IQCE: variants seen among roughly 807,000 people sequenced by gnomAD.
IQCE encodes the protein IQ motif containing E, also known as IQ domain-containing protein E.
IQCE carries 115 observed loss-of-function variants against 96.0 expected under a neutral mutation model. The ratio of observed to expected loss-of-function variants is 1.20; its 90% CI spans 1.03 to 1.40. The LOEUF is 1.40. IQCE is among the 40% of genes most tolerant of loss of function. The pLI is 0.00. For synonymous variants in IQCE, 412 were observed against 371.2 expected (o/e 1.11, Z -1.26); for missense variants, 1,041 against 909.1 (o/e 1.15, Z -1.87).
At chr7:2,578,560 C>T (rs377402337) in intron 8 of IQCE, 34 bp downstream of exon 8, 4 of 1,611,396 alleles carry the variant, frequency 2.5e-6, no homozygotes, top group Non-Finnish European at 1.7e-6. Flanking sequence ...GAGCCTTTCC[C>T]CAGACGCTAG....
intron 10 of IQCE, 64 bp from the exon 11 acceptor site, chr7:2,584,172 T>C (rs936286079): frequency 3.5e-6 from 5 of 1,446,850 alleles, no homozygotes; most frequent in Non-Finnish European, 4.9e-6. Flanking sequence ...ATGTTGGTCT[T>C]TTCAGATAAG....
rs113810071 is a variant in IQCE, at chr7:2,567,045, C to G, written c.37-71C>G. The stretch of plus-strand genomic sequence containing the variant: ...AGCAGCTGTGGACGGGCTGTTTTCG[C>G]TTTTGTAAACGTGATGGTCGGAAGC... On this transcript the variant is annotated intron_variant, in intron 1 of 21. Transcript: ENST00000402050. The G allele has an allele frequency of 1.4e-3, 1,988 of 1,394,330 alleles. 23 individuals carry two copies. In the African/African-American group the frequency reaches 0.026, roughly 19 times the overall value. 86.4% of individuals were successfully genotyped at this position (1,394,330 alleles called of 1,614,324 possible).
intron 17 of IQCE, among the ~76,000 whole-genome samples, chr7:2,599,336 C>G (rs959564585): frequency 3.3e-5 from 5 of 151,490 alleles, no homozygotes; most frequent in Non-Finnish European, 7.4e-5. Flanking sequence ...AGTTGTGATA[C>G]AGGTGCTCAC....
intron 19 of IQCE, among the ~76,000 whole-genome samples, chr7:2,605,516 A>G (rs1377746151): frequency 2.0e-5 from 3 of 152,104 alleles, no homozygotes; most frequent in African/African-American, 7.2e-5. Flanking sequence ...GCTACTCAGG[A>G]GGCTGAGGCA....
At chr7:2,583,487 G>A in intron 9 of IQCE, 150 bp from the exon 10 acceptor site, 1 of 372,428 alleles carries the variant, frequency 2.7e-6, no homozygotes, top group Non-Finnish European at 5.0e-6. Flanking sequence ...CAAGGAACAA[G>A]TCAAATGAAG....
At chr7:2,582,155 C>T (rs1782723349) in intron 8 of IQCE, 1 of 439,512 alleles carries the variant, frequency 2.3e-6, no homozygotes, top group Admixed American at 2.8e-5. Context: ...GCCGCGCTGT[C>T]TCCCACCCTC....
rs529571319 is a variant in IQCE at position 2,562,440 on chromosome 7, A to G, written c.36+3223A>G. 1.1e-4 allele frequency among the ~76,000 whole-genome samples: 17 copies of G among 152,150 alleles called. 1 individual carries two copies. In the South Asian group the frequency reaches 3.3e-3, roughly 30 times the overall value. On this transcript the variant is annotated intron_variant, in intron 1 of 21. Transcript: ENST00000402050. ...ATCAGTGTAATATAGGTCTCATAGA[A>G]TGAATTGGGAAGCATTTCCTTCTTT...
intron 18 of IQCE, chr7:2,601,842 G>T (rs183535103): frequency 1.6e-4 from 34 of 212,918 alleles, no homozygotes; most frequent in Admixed American, 2.3e-4. Flanking sequence ...GAGCCACCGC[G>T]CCCGGCAAGT....
At chr7:2,593,548 C>T (rs527460076) in intron 15 of IQCE, among the ~76,000 whole-genome samples, 106 of 152,382 alleles carry the variant, frequency 7.0e-4, no homozygotes, top group African/African-American at 2.3e-3. Context: ...AGGTCGACCA[C>T]GCGTAGGCGC....
At chr7:2,574,205 T>A (rs1781958866) in intron 6 of IQCE, among the ~76,000 whole-genome samples, 1 of 152,234 alleles carries the variant, frequency 6.6e-6, no homozygotes, top group African/African-American at 2.4e-5. Flanking sequence ...AATTTTAGTC[T>A]GTTTATACAG....
At chr7:2,567,733 G>C (rs1481654285) in intron 2 of IQCE, among the ~76,000 whole-genome samples, 1 of 152,242 alleles carries the variant, frequency 6.6e-6, no homozygotes, top group Non-Finnish European at 1.5e-5. Flanking sequence ...TGGAGACGCA[G>C]ATCTAGCAAA....
chr7:2,605,087 C>T, intron 19 of IQCE, 96 bp downstream of exon 19: 6 of 843,870 alleles, frequency 7.1e-6, no homozygotes, highest in East Asian at 2.7e-5. Context: ...CCTCAGCCTC[C>T]ACATCCCCGC....
intron 6 of IQCE, among the ~76,000 whole-genome samples, chr7:2,573,694 AG>A (rs1189261612): frequency 2.6e-5 from 4 of 152,192 alleles, no homozygotes; most frequent in African/African-American, 9.6e-5. Flanking sequence ...AAAAGGCAGC[AG>A]AGCTCATGTT....
intron 13 of IQCE, among the ~76,000 whole-genome samples, chr7:2,589,638 T>C (rs1440606329): frequency 2.0e-5 from 3 of 150,062 alleles, no homozygotes; most frequent in Non-Finnish European, 4.4e-5. Flanking sequence ...CCTCGTGCCC[T>C]CCTCTCTGTT....
rs928484531 is a variant in IQCE at position 2,559,015 on chromosome 7, C to A, written c.-167C>A. 1 of 358,736 alleles carries A rather than the reference C, an allele frequency of 2.8e-6. No homozygotes were observed. Among genetic ancestry groups the A allele is most frequent in the Non-Finnish European group, 4.9e-6 (1 of 205,990 alleles). 22.2% of individuals were successfully genotyped at this position (358,736 alleles called of 1,614,324 possible). A position where few individuals can be genotyped will look rare whatever the true frequency, so the allele number is the denominator to read the frequency against. ...TGGTCGCCCCAGGGGGAACGCAGGT[C>A]GCTTACCCGGCTGGGTAGGTCGGCG... On this transcript the variant is annotated 5_prime_UTR_variant, in exon 1 of 22. Coordinates refer to ENST00000402050, the MANE Select transcript of IQCE (RefSeq NM_152558.5).
chr7:2,565,153 T>TGC lies in IQCE; in HGVS notation c.37-1962_37-1961dup, dbSNP rs1554301981. Among the ~76,000 whole-genome samples the TGC allele has an allele frequency of 6.6e-3, 965 of 146,578 alleles. 14 individuals are homozygous for TGC. Among genetic ancestry groups the TGC allele is most frequent in the African/African-American group, 0.024 (930 of 39,356 alleles). Reference sequence around the variant, plus strand: ...GTGTGAGTGTGTGTGTGTGTGTGTGTGCTGTGTATGGTTGTATTCTGCTGA... The same window carrying TGC: ...GTGTGAGTGTGTGTGTGTGTGTGTGTGCGCTGTGTATGGTTGTATTCTGCTGA... On this transcript the variant is annotated intron_variant, in intron 1 of 21. Coordinates refer to ENST00000402050, the MANE Select transcript of IQCE (RefSeq NM_152558.5).
intron 13 of IQCE, among the ~76,000 whole-genome samples, chr7:2,589,154 GC>G (rs991295426): frequency 1.1e-4 from 16 of 152,126 alleles, no homozygotes; most frequent in Admixed American, 3.9e-4. Flanking sequence ...GATTACTTGA[GC>G]CCAGGAATTT....
At chr7:2,593,527 C>T (rs1044535650) in intron 15 of IQCE, among the ~76,000 whole-genome samples, 1 of 152,266 alleles carries the variant, frequency 6.6e-6, no homozygotes, top group African/African-American at 2.4e-5. Flanking sequence ...TGCTGGTGGA[C>T]AAACACCCTG....
chr7:2,568,481 C>G (rs1206289761), intron 2 of IQCE, among the ~76,000 whole-genome samples: 1 of 152,180 alleles, frequency 6.6e-6, no homozygotes, highest in Non-Finnish European at 1.5e-5. Flanking sequence ...GGGTGTTTGG[C>G]ATCGTGGTTG....
Sources: gnomAD v4.1 joint callset for allele counts (sites outside exome capture counted in the v4.1 genomes callset) on GRCh38, gnomAD v4.1.1 for gene constraint, MANE v1.5 for transcripts, NCBI Gene and HGNC (gene_info 2026-07-23, HGNC 2026-07-21) for gene names.